The following RBM46 variants were observed in gnomAD, a reference collection of about 807,000 sequenced individuals.
The protein encoded by RBM46 is RNA binding motif protein 46, also known as probable RNA-binding protein 46.
RBM46 carries 12 observed loss-of-function variants against 43.3 expected under a neutral mutation model. That is an observed-to-expected ratio of 0.28 (90% CI 0.18 to 0.45). The LOEUF (loss-of-function observed/expected upper bound fraction) is 0.45, where lower values mean the gene tolerates loss of function less well. RBM46 is among the 20% of genes least tolerant of loss of function. RBM46 has a pLI of 1.00. For missense variants in RBM46, 412 were observed against 639.1 expected, an observed-to-expected ratio of 0.64 and a Z score of 3.83; for synonymous variants, 205 against 207.6, an observed-to-expected ratio of 0.99 and a Z score of 0.11.
At chr4:154,785,785 AG>A (rs1733730199) in intron 1 of RBM46, among the ~76,000 whole-genome samples, 2 of 152,096 alleles carry the variant, frequency 1.3e-5, no homozygotes, top group Non-Finnish European at 2.9e-5. Context: ...TGAATTTCTG[AG>A]GCTCCATGGT....
At chr4:154,821,445 T>G (rs1735719973) in intron 4 of RBM46, among the ~76,000 whole-genome samples, 1 of 151,804 alleles carries the variant, frequency 6.6e-6, no homozygotes, top group South Asian at 2.1e-4. Flanking sequence ...CAGCTCTGAT[T>G]GTAATTTTTT....
chr4:154,797,391 A>G (rs373445800), intron 2 of RBM46, among the ~76,000 whole-genome samples: 17 of 152,168 alleles, frequency 1.1e-4, no homozygotes, highest in South Asian at 6.2e-4. Flanking sequence ...TGGCTGTAGC[A>G]CTTACCACTT....
At chr4:154,813,856 AAAG>A (rs1351190545) in intron 4 of RBM46, among the ~76,000 whole-genome samples, 1 of 152,078 alleles carries the variant, frequency 6.6e-6, no homozygotes, top group African/African-American at 2.4e-5. Flanking sequence ...TCTGTCTTCA[AAAG>A]AAGAAATAGT....
rs553699359 is a variant in RBM46 at position 154,789,339 on chromosome 4, A to G, written c.-11-7403A>G. ...GTCATAAATAGCTCATTATTTTGAG[A>G]TACGTCCCATCAATACCTAATTTAT... On this transcript the variant is annotated intron_variant, in intron 1 of 4. Coordinates refer to ENST00000281722, the MANE Select transcript of RBM46 (RefSeq NM_144979.5). Among the ~76,000 whole-genome samples the G allele has an allele frequency of 5.3e-5, 8 of 152,298 alleles. No individual in the cohort carries two copies. The South Asian group carries it at 1.4e-3, about 28-fold the overall frequency.
At chr4:154,795,763 A>G (rs1214402594) in intron 1 of RBM46, among the ~76,000 whole-genome samples, 1 of 152,206 alleles carries the variant, frequency 6.6e-6, no homozygotes, top group Non-Finnish European at 1.5e-5. Flanking sequence ...GGGCAACAAA[A>G]TTAAAAGTTG....
chr4:154,804,555 AG>A (rs1487921182), intron 4 of RBM46, among the ~76,000 whole-genome samples: 1 of 152,204 alleles, frequency 6.6e-6, no homozygotes, highest in African/African-American at 2.4e-5. Flanking sequence ...AAAGTCCTGG[AG>A]AATACTTAGT....
intron 1 of RBM46, among the ~76,000 whole-genome samples, chr4:154,782,176 G>T (rs156546): frequency 0.044 from 6,771 of 152,170 alleles, 487 homozygotes; most frequent in African/African-American, 0.15. Flanking sequence ...TCGTGGCACC[G>T]CCTTTGTTTC....
At chr4:154,785,895 T>C (rs1279690989) in intron 1 of RBM46, among the ~76,000 whole-genome samples, 2 of 152,196 alleles carry the variant, frequency 1.3e-5, no homozygotes, top group East Asian at 3.8e-4. Flanking sequence ...TTGGAGGTCA[T>C]CTAAGGTCCA....
chr4:154,820,521 A>G, intron 4 of RBM46: 1 of 612,702 alleles, frequency 1.6e-6, no homozygotes, highest in East Asian at 3.1e-5. Context: ...GAAAAGAATG[A>G]AACTTTATGA....
At chr4:154,803,235 T>C (rs1290709764) in intron 4 of RBM46, among the ~76,000 whole-genome samples, 2 of 152,174 alleles carry the variant, frequency 1.3e-5, no homozygotes, top group Non-Finnish European at 2.9e-5. Flanking sequence ...GGAAGCTCTA[T>C]TTTAAGCAAA....
chr4:154,815,276 T>A (rs1053869081), intron 4 of RBM46, among the ~76,000 whole-genome samples: 2 of 152,030 alleles, frequency 1.3e-5, no homozygotes, highest in Non-Finnish European at 2.9e-5. Context: ...ATAATGACAC[T>A]CTAAAGATTC....
chr4:154,798,452 G>A (rs1019754242), intron 3 of RBM46, among the ~76,000 whole-genome samples, 174 bp downstream of exon 3: 6 of 152,168 alleles, frequency 3.9e-5, no homozygotes, highest in Non-Finnish European at 8.8e-5. Flanking sequence ...AATTGTTCCA[G>A]TAAAATGAGT....
chr4:154,798,485 G>T (rs1042815916), intron 3 of RBM46, among the ~76,000 whole-genome samples: 1 of 152,138 alleles, frequency 6.6e-6, no homozygotes, highest in Non-Finnish European at 1.5e-5. Flanking sequence ...ATTTTTACTG[G>T]ATATATACAC....
intron 1 of RBM46, among the ~76,000 whole-genome samples, chr4:154,796,462 G>A (rs537254450): frequency 6.6e-6 from 1 of 152,148 alleles, no homozygotes. Context: ...ACTTAATTTT[G>A]TTTTTTCATT....
At chr4:154,800,051 G>A (rs915446073) in intron 4 of RBM46, among the ~76,000 whole-genome samples, 2 of 152,084 alleles carry the variant, frequency 1.3e-5, no homozygotes, top group Non-Finnish European at 2.9e-5. Context: ...GATTACAGGC[G>A]TGAGCCACCG....
intron 2 of RBM46, 127 bp from the exon 3 acceptor site, chr4:154,797,684 T>C (rs1219272991): frequency 3.5e-6 from 2 of 566,200 alleles, no homozygotes; most frequent in Non-Finnish European, 6.0e-6. Context: ...TGTCCACTGT[T>C]GTATCACCAA....
chr4:154,809,708 C>G (rs996378908), intron 4 of RBM46, among the ~76,000 whole-genome samples: 2 of 152,106 alleles, frequency 1.3e-5, no homozygotes, highest in Non-Finnish European at 2.9e-5. Flanking sequence ...ATGCAGTGCA[C>G]TTACCTAAGT....
intron 4 of RBM46, among the ~76,000 whole-genome samples, chr4:154,808,370 T>C (rs973615334): frequency 6.6e-6 from 1 of 152,014 alleles, no homozygotes; most frequent in Non-Finnish European, 1.5e-5. Flanking sequence ...TTTATTAGAG[T>C]TACTTTTTTT....
rs76117890 is a variant in RBM46 at position 154,800,281 on chromosome 4, G to A, written c.1402+717G>A. Among the ~76,000 whole-genome samples the A allele has an allele frequency of 2.2e-3, 331 of 152,186 alleles. 11 individuals are homozygous for A. The East Asian group carries it at 0.052, about 24-fold the overall frequency. ...GAAGTCTACATAATGATCTTTTTGA[G>A]GGGCAGGGGATAGGGAGTTAGTAAA... On this transcript the variant is annotated intron_variant, in intron 4 of 4. Coordinates refer to ENST00000281722, the MANE Select transcript of RBM46 (RefSeq NM_144979.5).
Sources: allele counts gnomAD v4.1 joint callset (sites outside exome capture counted in the v4.1 genomes callset), GRCh38; gene constraint gnomAD v4.1.1; transcripts MANE v1.5; gene names NCBI Gene and HGNC (gene_info 2026-07-23, HGNC 2026-07-21).